TJP1: variants seen among roughly 807,000 people sequenced by gnomAD.
The protein encoded by TJP1 is tight junction protein 1.
TJP1 carries 43 observed loss-of-function variants against 194.2 expected under a neutral mutation model. The observed-to-expected ratio is 0.22, with a 90% CI of 0.17 to 0.29. TJP1 has a LOEUF of 0.29. Among genes scored for constraint, TJP1 ranks in the 10% least tolerant of loss-of-function variants. The pLI, the probability that TJP1 is intolerant of heterozygous loss-of-function variation, is 1.00. For synonymous variants in TJP1, 801 were observed against 779.0 expected, an observed-to-expected ratio of 1.03 and a Z score of -0.47; for missense variants, 1,971 against 2,185.7, an observed-to-expected ratio of 0.90 and a Z score of 1.96.
intron 2 of TJP1, among the ~76,000 whole-genome samples, chr15:29,872,925 C>A (rs542878116): frequency 6.3e-4 from 96 of 152,186 alleles, no homozygotes; most frequent in Non-Finnish European, 1.2e-3. Context: ...TCCAGAGATA[C>A]GCATGGGAAT....
intron 26 of TJP1, among the ~76,000 whole-genome samples, chr15:29,704,749 C>G (rs976835091): frequency 6.6e-6 from 1 of 152,056 alleles, no homozygotes; most frequent in South Asian, 2.1e-4. Flanking sequence ...GTGCTTGTTG[C>G]GAATGTGATA....
chr15:29,950,583 C>T (rs1357348299), intron 2 of TJP1, among the ~76,000 whole-genome samples: 2 of 152,164 alleles, frequency 1.3e-5, no homozygotes, highest in Non-Finnish European at 2.9e-5. Flanking sequence ...TCCAGGCTCT[C>T]GTACTGGTGA....
chr15:29,737,293 C>A lies in TJP1; in HGVS notation c.1378G>T (p.Gly460Cys). The change falls in exon 11 of 28, where the codon GGC (glycine) becomes TGC (cysteine). Residue 460 changes from glycine (G) to cysteine (C), a missense_variant. Gly to Cys is a radical substitution (Grantham distance 159). Coordinates refer to ENST00000614355, the MANE Select transcript of TJP1 (RefSeq NM_001330239.4). ...AGAATTTGATCACCTTCCTCTAAGC[C>A]TTCCTTGGCTGCAGGGCTATCTTCT... ...VLEDSPAAKEGLEEGDQILRV... is the reference protein window; with the variant it reads ...VLEDSPAAKECLEEGDQILRV... 6.2e-7 allele frequency: 1 copy of A among 1,614,128 alleles called. No homozygotes were observed. Among genetic ancestry groups the A allele is most frequent in the South Asian group, 1.1e-5 (1 of 91,066 alleles).
At chr15:29,949,694 T>TCCA (rs747906358) in intron 2 of TJP1, among the ~76,000 whole-genome samples, 447 of 32,888 alleles carry the variant, frequency 0.014, 2 homozygotes, top group Middle Eastern at 0.05. Context: ...CACCACCACC[T>TCCA]CCACCACCAC....
intron 2 of TJP1, among the ~76,000 whole-genome samples, chr15:29,947,734 T>C (rs1475687258): frequency 6.6e-6 from 1 of 152,216 alleles, no homozygotes; most frequent in Admixed American, 6.5e-5. Flanking sequence ...GGAGAAAGTT[T>C]TCTGACCCTT....
chr15:29,949,313 ACTTTCACCACCACTACCT>A (rs2055440268), intron 2 of TJP1, among the ~76,000 whole-genome samples: 1 of 115,702 alleles, frequency 8.6e-6, no homozygotes, highest in Admixed American at 8.6e-5. Context: ...CACCACCTCC[ACTTTCACCACCACTACCT>A]CCACCACCTC....
In TJP1 at chr15:29,949,567, T is replaced by TTCCACAACCACCACCTCCACC. The variant is rs1567225414; in HGVS notation, c.306+6644_306+6664dup. ...CCACCTCCACAACCACCACCTCCAC[T>TTCCACAACCACCACCTCCACC]TCCACAACCACCACCTCCACCTCCA... On this transcript the variant is annotated intron_variant, in intron 2 of 28. Coordinates refer to the TJP1 transcript ENST00000356107. 3.8e-3 allele frequency among the ~76,000 whole-genome samples: 41 copies of TTCCACAACCACCACCTCCACC among 10,898 alleles called. 1 individual carries two copies. The highest frequency in any genetic ancestry group is 9.9e-3 in the African/African-American group (33 of 3,340). 7.1% of individuals were successfully genotyped at this position (10,898 alleles called of 152,430 possible).
At chr15:29,946,799 T>G (rs75377305) in intron 2 of TJP1, among the ~76,000 whole-genome samples, 2 of 152,194 alleles carry the variant, frequency 1.3e-5, no homozygotes, top group Admixed American at 6.5e-5. Context: ...TATAAAGCAA[T>G]CTAATTTTAT....
intron 8 of TJP1, among the ~76,000 whole-genome samples, chr15:29,750,011 T>A (rs1422863233): frequency 6.8e-6 from 1 of 147,660 alleles, no homozygotes; most frequent in Non-Finnish European, 1.5e-5. Flanking sequence ...TCCGGCTAAT[T>A]TTTTTTTTTT....
In TJP1 at chr15:29,720,422, GGTGA is replaced by G. The variant is rs752921027; in HGVS notation, c.2695_2698del (p.Ser899HisfsTer11). On this transcript the variant is annotated frameshift_variant, in exon 19 of 28. Coordinates refer to ENST00000614355, the MANE Select transcript of TJP1 (RefSeq NM_001330239.4). LOFTEE classifies it high-confidence loss of function. ...ATGAATTGGTTGTGGCTGCGCTTGT[GGTGA>G]GTAAGGAGGATATGTTTGGTTTTCA... is the stretch of plus-strand genomic sequence containing the variant. 1.2e-6 allele frequency: 2 copies of G among 1,613,754 alleles called. No homozygotes were observed. The highest frequency in any genetic ancestry group is 1.7e-5 in the Admixed American group (1 of 59,990).
intron 2 of TJP1, among the ~76,000 whole-genome samples, chr15:29,827,546 G>A (rs1157964366): frequency 6.6e-6 from 1 of 152,164 alleles, no homozygotes; most frequent in Non-Finnish European, 1.5e-5. Flanking sequence ...GCATCCTCCA[G>A]GGACAAGCCA....
intron 2 of TJP1, among the ~76,000 whole-genome samples, chr15:29,913,987 C>T (rs1389179242): frequency 6.6e-6 from 1 of 152,130 alleles, no homozygotes; most frequent in Non-Finnish European, 1.5e-5. Flanking sequence ...AGAGTGAGTT[C>T]GCTCTCCGGA....
chr15:29,948,109 A>G (rs1271530301), intron 2 of TJP1, among the ~76,000 whole-genome samples: 1 of 152,150 alleles, frequency 6.6e-6, no homozygotes, highest in East Asian at 1.9e-4. Flanking sequence ...TACTAAAAAG[A>G]CAAGAATTAG....
chr15:29,902,553 CT>C (rs1223683425), intron 2 of TJP1, among the ~76,000 whole-genome samples: 2 of 152,064 alleles, frequency 1.3e-5, no homozygotes, highest in Non-Finnish European at 2.9e-5. Flanking sequence ...ATTGATGTTC[CT>C]TTTTTGTCAT....
At chr15:29,836,933 C>A (rs749450301) in intron 2 of TJP1, among the ~76,000 whole-genome samples, 10 of 152,166 alleles carry the variant, frequency 6.6e-5, no homozygotes, top group Admixed American at 2.0e-4. Context: ...AACCCACTGG[C>A]GCAGCCCCCT....
intron 2 of TJP1, among the ~76,000 whole-genome samples, chr15:29,918,369 G>C (rs2152242810): frequency 6.6e-6 from 1 of 152,246 alleles, no homozygotes; most frequent in South Asian, 2.1e-4. Context: ...AGGATCAGAG[G>C]ACTTTTTAGG....
chr15:29,700,428 T>C lies in TJP1; in HGVS notation c.*1167A>G, dbSNP rs953591093. The stretch of plus-strand genomic sequence containing the variant: ...CTTTTAAATGCAGCACTTAAAAATG[T>C]AACAACTCTGTGCATCCTTTTTCTT... On this transcript the variant is annotated 3_prime_UTR_variant, in exon 28 of 28. Transcript: ENST00000614355. The C allele has an allele frequency of 7.5e-6, 3 of 398,780 alleles. No homozygotes were observed. Among genetic ancestry groups the C allele is most frequent in the Admixed American group, 4.4e-5 (1 of 22,708 alleles). The allele number at this position is 398,780 out of a possible 1,614,324, so 24.7% of individuals were successfully genotyped here.
rs141385340 is a variant in TJP1, at chr15:29,722,816, C to T, written c.2413-2108G>A. Among the ~76,000 whole-genome samples, 77 of 152,274 alleles carry T rather than the reference C, an allele frequency of 5.1e-4. 4 individuals are homozygous for T. Among genetic ancestry groups the T allele is most frequent in the African/African-American group, 1.8e-3 (75 of 41,568 alleles). ...GCTACAGGGGCAGAGCTGTCCAAGG[C>T]CTTGGTAGCTCACCCCTTGCATCAT... On this transcript the variant is annotated intron_variant, in intron 18 of 27. Coordinates refer to ENST00000614355, the MANE Select transcript of TJP1 (RefSeq NM_001330239.4).
intron 2 of TJP1, among the ~76,000 whole-genome samples, chr15:29,907,531 T>C (rs2053857382): frequency 6.6e-6 from 1 of 152,192 alleles, no homozygotes; most frequent in Non-Finnish European, 1.5e-5. Flanking sequence ...TTATGCACAA[T>C]TTCGGAGGTT....
Sources: gnomAD v4.1 joint callset for allele counts (sites outside exome capture counted in the v4.1 genomes callset) on GRCh38, gnomAD v4.1.1 for gene constraint, MANE v1.5 for transcripts, NCBI Gene and HGNC (gene_info 2026-07-23, HGNC 2026-07-21) for gene names.